CTSK: variants seen among roughly 807,000 people sequenced by gnomAD.
CTSK encodes the protein cathepsin K.
Under a neutral mutation model 40.5 loss-of-function variants are expected in CTSK, and 26 were observed. That is an observed-to-expected ratio of 0.64 (90% confidence interval 0.47 to 0.89). The LOEUF (loss-of-function observed/expected upper bound fraction) is 0.89, where lower values mean the gene tolerates loss of function less well. Among genes scored for constraint, CTSK ranks in the 40% least tolerant of loss-of-function variants. CTSK has a pLI of 0.00. For synonymous variants in CTSK, 132 were observed against 143.2 expected (o/e 0.92, Z 0.56); for missense variants, 292 against 400.1 (o/e 0.73, Z 2.30).
chr1:150,799,824 CT>C, intron 5 of CTSK, 115 bp from the exon 6 acceptor site: 2 of 976,502 alleles, frequency 2.0e-6, no homozygotes, highest in African/African-American at 1.6e-5. Flanking sequence ...AGGCAGCAGT[CT>C]AGGGTTTCTA....
chr1:150,804,774 AC>A (rs754910760), intron 4 of CTSK, among the ~76,000 whole-genome samples: 4 of 152,046 alleles, frequency 2.6e-5, no homozygotes, highest in Non-Finnish European at 5.9e-5. Flanking sequence ...CTGCTGCCTA[AC>A]ACTGCATCTG....
chr1:150,799,734 G>T, intron 5 of CTSK, 25 bp from the exon 6 acceptor site: 1 of 1,611,550 alleles, frequency 6.2e-7, no homozygotes, highest in Non-Finnish European at 8.5e-7. Context: ...ATTGTAATAG[G>T]ACTAGGACAA....
At chr1:150,799,346 G>T in intron 6 of CTSK, 73 bp from the exon 7 acceptor site, 1 of 1,302,486 alleles carries the variant, frequency 7.7e-7, no homozygotes. Context: ...CAGTCTAGGA[G>T]ACTGTTTGAA....
At chr1:150,797,125 G>T (rs1653890022) in intron 7 of CTSK, among the ~76,000 whole-genome samples, 1 of 152,176 alleles carries the variant, frequency 6.6e-6, no homozygotes, top group African/African-American at 2.4e-5. Flanking sequence ...GATGTAAGAG[G>T]TGGCATTTGA....
chr1:150,799,048 T>A, intron 7 of CTSK, 120 bp downstream of exon 7: 2 of 736,062 alleles, frequency 2.7e-6, no homozygotes, highest in Middle Eastern at 6.4e-4. Context: ...AAGATAGAAG[T>A]GAGAACTCTG....
intron 4 of CTSK, among the ~76,000 whole-genome samples, chr1:150,805,368 C>T (rs756779213): frequency 4.0e-5 from 6 of 151,550 alleles, no homozygotes; most frequent in Non-Finnish European, 5.9e-5. Flanking sequence ...AAAACCAGGC[C>T]GCGATGGCTC....
chr1:150,807,072 TCTCTCTCTCA>T (rs1438563552), intron 1 of CTSK, among the ~76,000 whole-genome samples: 20 of 45,292 alleles, frequency 4.4e-4, no homozygotes, highest in Non-Finnish European at 8.0e-4. Context: ...TCTCTGTCTC[TCTCTCTCTCA>T]CACACACACA....
In CTSK at chr1:150,796,384, T is replaced by G; in HGVS notation, c.*415A>C. 4.3e-6 allele frequency: 1 copy of G among 233,360 alleles called. No individual in the cohort carries two copies. The highest frequency in any genetic ancestry group is 8.5e-6 in the Non-Finnish European group (1 of 117,440). 14.5% of individuals were successfully genotyped at this position (233,360 alleles called of 1,614,324 possible). ...AACATAGACATTTCTACCTTGAGGA[T>G]ATAGAAGGGAACTTAGGAAGTGAGA... On this transcript the variant is annotated 3_prime_UTR_variant, in exon 8 of 8. Transcript: ENST00000271651.
rs940286479 is a variant in CTSK at position 150,796,287 on chromosome 1, C to T, written c.*512G>A. On this transcript the variant is annotated 3_prime_UTR_variant, in exon 8 of 8. Coordinates refer to ENST00000271651, the MANE Select transcript of CTSK (RefSeq NM_000396.4). ...TTTCAAAAGTGCAAAGAAGGGAAGA[C>T]AAATCACATTTCTTTTTATCATGTA... is the stretch of plus-strand genomic sequence containing the variant. 5.7e-6 allele frequency: 1 copy of T among 176,196 alleles called. No homozygotes were observed. Among genetic ancestry groups the T allele is most frequent in the Non-Finnish European group, 1.2e-5 (1 of 81,796 alleles). The allele number at this position is 176,196 out of a possible 1,614,324, so 10.9% of individuals were successfully genotyped here. A position where few individuals can be genotyped will look rare whatever the true frequency, so the allele number is the denominator to read the frequency against.
At chr1:150,806,918 T>G (rs1654105982) in intron 1 of CTSK, 112 bp from the exon 2 acceptor site, 1 of 1,290,754 alleles carries the variant, frequency 7.7e-7, no homozygotes, top group African/African-American at 1.5e-5. Context: ...AAAACAATGA[T>G]AGTCAGGAGG....
intron 4 of CTSK, 65 bp downstream of exon 4, chr1:150,805,796 A>G (rs1186453528): frequency 5.8e-6 from 9 of 1,564,634 alleles, no homozygotes; most frequent in Non-Finnish European, 7.9e-6. Context: ...CTCAAGAACA[A>G]AGCAGCAGAA....
At chr1:150,807,076 TCTCTCACACACACACACACACACACACA>T (rs1654116867) in intron 1 of CTSK, among the ~76,000 whole-genome samples, 1 of 36,414 alleles carries the variant, frequency 2.7e-5, no homozygotes, top group East Asian at 7.7e-4. Context: ...TGTCTCTCTC[TCTCTCACACACACACACACACACACACA>T]CACACACACA....
rs1057517279 is a variant in CTSK, at chr1:150,806,685, C to T, written c.120+1G>A. ...CATGCCCCCTCCAGGACCCCAGGCA[C>T]CTTGTTGTTATATTGCTTCCTGTGG... On this transcript the variant is annotated splice_donor_variant, in intron 2 of 7. Transcript: ENST00000271651. LOFTEE classifies it high-confidence loss of function. 6.2e-7 allele frequency: 1 copy of T among 1,613,964 alleles called. No homozygotes were observed. Among genetic ancestry groups the T allele is most frequent in the Non-Finnish European group, 8.5e-7 (1 of 1,180,014 alleles).
intron 1 of CTSK, among the ~76,000 whole-genome samples, chr1:150,807,076 TCTCTCACACACA>T (rs1222924907): frequency 6.3e-4 from 23 of 36,480 alleles, no homozygotes; most frequent in East Asian, 3.1e-3. Context: ...TGTCTCTCTC[TCTCTCACACACA>T]CACACACACA....
intron 7 of CTSK, among the ~76,000 whole-genome samples, chr1:150,798,401 A>G (rs587691458): frequency 2.0e-5 from 3 of 152,318 alleles, no homozygotes; most frequent in East Asian, 1.9e-4. Context: ...GAGACAAAAG[A>G]AAGTAAAAAT....
chr1:150,799,372 C>T (rs142700388), intron 6 of CTSK, 99 bp from the exon 7 acceptor site: 3 of 1,240,684 alleles, frequency 2.4e-6, no homozygotes, highest in Non-Finnish European at 3.6e-6. Flanking sequence ...CCATCCGTGT[C>T]AGGAGGGTTT....
Position 150,796,722 on chromosome 1 carries a change from C to T in CTSK, c.*77G>A. The T allele has an allele frequency of 1.0e-6, 1 of 1,000,200 alleles. No homozygotes were observed. Among genetic ancestry groups the T allele is most frequent in the Non-Finnish European group, 1.6e-6 (1 of 619,110 alleles). The allele number at this position is 1,000,200 out of a possible 1,614,324, so 62.0% of individuals were successfully genotyped here. A position where few individuals can be genotyped will look rare whatever the true frequency, so the allele number is the denominator to read the frequency against. On this transcript the variant is annotated 3_prime_UTR_variant, in exon 8 of 8. Coordinates refer to ENST00000271651, the MANE Select transcript of CTSK (RefSeq NM_000396.4). ...ATCTGCTTCAAAAATAGCACACCAA[C>T]TCCCTTCCAAAGTGCATCGTTACAC...
At chr1:150,804,566 C>A (rs1436967908) in intron 4 of CTSK, among the ~76,000 whole-genome samples, 1 of 152,150 alleles carries the variant, frequency 6.6e-6, no homozygotes, top group Non-Finnish European at 1.5e-5. Flanking sequence ...TTTCTCTATG[C>A]ATAAAATATT....
At chr1:150,803,920 G>C in intron 5 of CTSK, 101 bp downstream of exon 5, 1 of 1,042,790 alleles carries the variant, frequency 9.6e-7, no homozygotes, top group South Asian at 1.3e-5. Context: ...AGCAGGATAG[G>C]ATAACAGAAA....
Sources: gnomAD v4.1 joint callset for allele counts (sites outside exome capture counted in the v4.1 genomes callset) on GRCh38, gnomAD v4.1.1 for gene constraint, MANE v1.5 for transcripts, NCBI Gene and HGNC (gene_info 2026-07-23, HGNC 2026-07-21) for gene names.